The following CHST9 variants were observed in gnomAD, a reference collection of about 807,000 sequenced individuals.
CHST9 encodes GalNAc-4-sulfotransferase 2.
Under a neutral mutation model 44.4 loss-of-function variants are expected in CHST9, and 41 were observed. That is an observed-to-expected ratio of 0.92 (90% CI 0.72 to 1.20). CHST9 has a LOEUF of 1.20. Ranked by LOEUF, CHST9 falls within the 50% of genes most tolerant of loss-of-function variation. The probability of loss-of-function intolerance (pLI) is 0.00; values close to 1 mark genes in which losing one functional copy is unlikely to be tolerated. For missense variants in CHST9, 504 were observed against 516.5 expected (o/e 0.98, Z 0.23); for synonymous variants, 171 against 178.4 (o/e 0.96, Z 0.33).
intron 2 of CHST9, among the ~76,000 whole-genome samples, chr18:27,087,837 AAT>A (rs1374425918): frequency 6.6e-6 from 1 of 152,184 alleles, no homozygotes; most frequent in African/African-American, 2.4e-5. Flanking sequence ...CTGTAAGGGA[AAT>A]GAGAGCTTCT....
chr18:26,920,007 T>C (rs2055618205), intron 5 of CHST9, among the ~76,000 whole-genome samples: 1 of 152,120 alleles, frequency 6.6e-6, no homozygotes, highest in Admixed American at 6.6e-5. Flanking sequence ...TCCTTAAGTC[T>C]CCCTTTCCCC....
At chr18:27,018,938 C>T (rs757232299) in intron 4 of CHST9, among the ~76,000 whole-genome samples, 1 of 152,206 alleles carries the variant, frequency 6.6e-6, no homozygotes, top group Non-Finnish European at 1.5e-5. Flanking sequence ...TTGATTCTAA[C>T]ACCATAGCAC....
intron 2 of CHST9, among the ~76,000 whole-genome samples, chr18:27,117,026 C>A (rs1185372081): frequency 6.6e-6 from 1 of 151,534 alleles, no homozygotes; most frequent in Non-Finnish European, 1.5e-5. Flanking sequence ...GAGATAGTTT[C>A]TCCTTTCCAA....
At chr18:27,022,042 G>C (rs1482198538) in intron 4 of CHST9, among the ~76,000 whole-genome samples, 3 of 152,168 alleles carry the variant, frequency 2.0e-5, no homozygotes, top group Non-Finnish European at 4.4e-5. Context: ...TTCTGGCCAA[G>C]TGCATTGTAG....
intron 2 of CHST9, among the ~76,000 whole-genome samples, chr18:27,050,328 A>G (rs180814422): frequency 1.3e-5 from 2 of 152,158 alleles, no homozygotes; most frequent in Non-Finnish European, 2.9e-5. Flanking sequence ...TACCTGGGCA[A>G]TGGTGTGTAT....
At chr18:27,087,326 A>C (rs948331440) in intron 2 of CHST9, among the ~76,000 whole-genome samples, 4 of 152,208 alleles carry the variant, frequency 2.6e-5, no homozygotes, top group African/African-American at 9.6e-5. Context: ...CCCTGTTGAC[A>C]GTATCTGTGA....
intron 4 of CHST9, among the ~76,000 whole-genome samples, chr18:26,981,222 G>A (rs768000758): frequency 7.2e-5 from 11 of 152,104 alleles, no homozygotes; most frequent in Non-Finnish European, 1.3e-4. Flanking sequence ...AGAGCCAAGG[G>A]TTTCTTTTTA....
intron 2 of CHST9, among the ~76,000 whole-genome samples, chr18:27,075,035 G>A (rs1443084488): frequency 1.3e-5 from 2 of 150,756 alleles, no homozygotes; most frequent in African/African-American, 2.4e-5. Context: ...GTAAAAGCTA[G>A]GAAATAGAGA....
chr18:27,144,007 G>A (rs979355471), intron 1 of CHST9, among the ~76,000 whole-genome samples: 4 of 152,110 alleles, frequency 2.6e-5, no homozygotes, highest in African/African-American at 4.8e-5. Flanking sequence ...AAGAATCCCT[G>A]TTCCCAATGA....
chr18:27,104,552 G>A (rs187047500), intron 2 of CHST9, among the ~76,000 whole-genome samples: 4 of 152,288 alleles, frequency 2.6e-5, no homozygotes, highest in Admixed American at 2.0e-4. Context: ...CTTGCAACAT[G>A]CCAATAAGAT....
At chr18:26,962,698 G>A (rs370157530) in intron 4 of CHST9, among the ~76,000 whole-genome samples, 1 of 152,196 alleles carries the variant, frequency 6.6e-6, no homozygotes, top group East Asian at 1.9e-4. Flanking sequence ...CCTGGGGACA[G>A]GTGCAGCTGC....
intron 4 of CHST9, among the ~76,000 whole-genome samples, chr18:26,989,949 GA>G (rs954442014): frequency 1.3e-5 from 2 of 151,444 alleles, no homozygotes; most frequent in African/African-American, 4.9e-5. Flanking sequence ...GACTCTGTCT[GA>G]AAAAATAAGT....
intron 5 of CHST9, among the ~76,000 whole-genome samples, chr18:26,932,038 G>T (rs922916926): frequency 3.9e-5 from 6 of 151,988 alleles, no homozygotes; most frequent in Non-Finnish European, 7.4e-5. Flanking sequence ...CCTTTGTACC[G>T]AGTTACCTTG....
intron 4 of CHST9, among the ~76,000 whole-genome samples, chr18:27,022,179 T>C (rs1445855921): frequency 6.6e-6 from 1 of 152,216 alleles, no homozygotes; most frequent in Non-Finnish European, 1.5e-5. Flanking sequence ...CATGTTGCAT[T>C]GTTCATGGGT....
chr18:27,137,739 T>C (rs7233634), intron 2 of CHST9, among the ~76,000 whole-genome samples: 49,767 of 152,058 alleles, frequency 0.33, 8,442 homozygotes, highest in East Asian at 0.48. Context: ...GCTGAGATGG[T>C]GACTCTGTCG....
chr18:27,044,618 G>A (rs900810923), intron 3 of CHST9, among the ~76,000 whole-genome samples: 1 of 151,652 alleles, frequency 6.6e-6, no homozygotes, highest in East Asian at 1.9e-4. Context: ...GTTTAATGTT[G>A]GTCACCAATA....
intron 2 of CHST9, among the ~76,000 whole-genome samples, chr18:27,100,032 TATAC>T (rs989877428): frequency 1.3e-5 from 2 of 151,738 alleles, no homozygotes; most frequent in African/African-American, 4.8e-5. Flanking sequence ...TATATATATA[TATAC>T]ACACACACAT....
intron 5 of CHST9, among the ~76,000 whole-genome samples, chr18:26,928,006 G>A (rs232337): frequency 0.43 from 64,821 of 151,772 alleles, 14,290 homozygotes; most frequent in East Asian, 0.7. Flanking sequence ...TTAACAGCAC[G>A]CTGCCTTCAA....
intron 2 of CHST9, among the ~76,000 whole-genome samples, chr18:27,082,585 A>G (rs1227818548): frequency 6.6e-6 from 1 of 152,210 alleles, no homozygotes; most frequent in East Asian, 1.9e-4. Flanking sequence ...ACTGAATTAC[A>G]CTGTTCAGGA....
Sources: gnomAD v4.1 joint callset for allele counts (sites outside exome capture counted in the v4.1 genomes callset) on GRCh38, gnomAD v4.1.1 for gene constraint, MANE v1.5 for transcripts, NCBI Gene and HGNC (gene_info 2026-07-23, HGNC 2026-07-21) for gene names.